PAXIP1: variants seen among roughly 807,000 people sequenced by gnomAD.
The protein encoded by PAXIP1 is PAX-interacting protein 1.
In PAXIP1, 19 loss-of-function variants were observed where a neutral mutation model predicts 140.6. The ratio of observed to expected loss-of-function variants is 0.14; its 90% CI spans 0.09 to 0.20. The LOEUF (loss-of-function observed/expected upper bound fraction) is 0.20, where lower values mean the gene tolerates loss of function less well. Among genes scored for constraint, PAXIP1 ranks in the 10% least tolerant of loss-of-function variants. The pLI, the probability that PAXIP1 is intolerant of heterozygous loss-of-function variation, is 1.00. For synonymous variants in PAXIP1, 442 were observed against 444.6 expected, an observed-to-expected ratio of 0.99 and a Z score of 0.07; for missense variants, 920 against 1,208.6, an observed-to-expected ratio of 0.76 and a Z score of 3.54.
intron 20 of PAXIP1, chr7:154,944,414 C>A: frequency 2.7e-6 from 1 of 368,926 alleles, no homozygotes; most frequent in Non-Finnish European, 5.0e-6. Flanking sequence ...CACCATGCGG[C>A]CAGAACTGAG....
In PAXIP1 at chr7:154,975,562, A is replaced by G. The variant is rs1809532766; in HGVS notation, c.1074+134T>C. 7 of 622,560 alleles carry G rather than the reference A, an allele frequency of 1.1e-5. No individual in the cohort carries two copies. The South Asian group carries it at 1.4e-4, about 12-fold the overall frequency. 38.6% of individuals were successfully genotyped at this position (622,560 alleles called of 1,614,324 possible). ...CACACACACACACACACACAAGTAAACAGGTTCTCACACAAATACTGCTTG... is the reference window on the plus strand; with the variant it reads ...CACACACACACACACACACAAGTAAGCAGGTTCTCACACAAATACTGCTTG... On this transcript the variant is annotated intron_variant, in intron 6 of 20. Transcript: ENST00000404141.
At chr7:155,000,906 T>A (rs1047719557) in intron 1 of PAXIP1, 1 of 152,222 alleles carries the variant, frequency 6.6e-6, no homozygotes, top group Non-Finnish European at 1.5e-5. Context: ...CTGAGTGACA[T>A]TTCAGTGGTG....
chr7:154,980,463 G>A (rs981840934), intron 5 of PAXIP1, among the ~76,000 whole-genome samples: 41 of 152,142 alleles, frequency 2.7e-4, no homozygotes, highest in Non-Finnish European at 4.9e-4. Flanking sequence ...TGCCCAGGCT[G>A]GAGTGCAGTG....
chr7:154,982,386 C>T (rs1344278607), intron 5 of PAXIP1, among the ~76,000 whole-genome samples: 36 of 151,992 alleles, frequency 2.4e-4, no homozygotes, highest in Non-Finnish European at 1.6e-4. Context: ...GAGTCTCACT[C>T]GGTCATCCAG....
Position 154,954,360 on chromosome 7 carries a change from T to C in PAXIP1, c.2716A>G (p.Ser906Gly). ...SAQKCTHLIA[S>G]KVTRTVKFLT... ...AACTTCACGGTGCGAGTCACTTTGC[T>C]GGCAATGAGGTGTGTGCACTTCTGT... The change falls in exon 16 of 21, where the codon AGC (serine) becomes GGC (glycine). Residue 906 changes from serine to glycine, a missense_variant. By Grantham distance (56) the Ser-to-Gly change is moderately conservative. Transcript: ENST00000404141. This position sits in a 1 kb window ranked among gnomAD's most constrained non-coding sequence, Gnocchi z 5.1. 1 of 1,609,686 alleles carries C rather than the reference T, an allele frequency of 6.2e-7. No individual in the cohort carries two copies. Among genetic ancestry groups the C allele is most frequent in the Non-Finnish European group, 8.5e-7 (1 of 1,176,736 alleles).
rs766846983 is a variant in PAXIP1, at chr7:154,955,552, C to A, written c.2629G>T (p.Val877Phe). ...PFVLFTGFEP[V>F]QVQQYIKKLY... ...ACCTTAATATACTGTTGAACCTGGA[C>A]AGGCTCGAATCCAGTGAAAAGCACA... is the stretch of plus-strand genomic sequence containing the variant. Residue 877 changes from valine (V) to phenylalanine (F), a missense_variant, in exon 15 of 21, where the codon GTC becomes TTC. This residue lies in a region of PAXIP1 where 303 missense variants were observed against 517.9 expected (regional missense o/e 0.59). Transcript: ENST00000404141. 4.3e-6 allele frequency: 7 copies of A among 1,609,834 alleles called. No individual in the cohort carries two copies. The highest frequency in any genetic ancestry group is 2.7e-5 in the African/African-American group (2 of 74,706).
At chr7:154,971,397 C>T (rs1347052504) in intron 6 of PAXIP1, among the ~76,000 whole-genome samples, 1 of 152,226 alleles carries the variant, frequency 6.6e-6, no homozygotes, top group East Asian at 1.9e-4. Context: ...AGAGTCCCGG[C>T]TAGGAATGAA....
chr7:154,998,680 A>G lies in PAXIP1; in HGVS notation c.186T>C (p.Ala62=). The G allele has an allele frequency of 6.2e-7, 1 of 1,613,666 alleles. No homozygotes were observed. Among genetic ancestry groups the G allele is most frequent in the Non-Finnish European group, 8.5e-7 (1 of 1,179,618 alleles). ...EDGDNPEVGE[A]REVFDLPVVK... Reference sequence around the variant, plus strand: ...CAACAGGTAAGTCAAAGACTTCCCGAGCTTCTCCCACCTCTGGATTGTCCC... The same window carrying G: ...CAACAGGTAAGTCAAAGACTTCCCGGGCTTCTCCCACCTCTGGATTGTCCC... The change falls in exon 2 of 21, where the codon GCT becomes GCC. Residue 62 remains alanine, a synonymous_variant. Transcript: ENST00000404141.
At position 154,968,898 on chromosome 7, in the gene PAXIP1, T is replaced by TCTGCTGCTG. The variant is rs151102688; in HGVS notation, c.1294_1302dup (p.Gln432_Gln434dup). The TCTGCTGCTG allele has an allele frequency of 2.7e-5, 31 of 1,157,162 alleles. No individual in the cohort carries two copies. Among genetic ancestry groups the TCTGCTGCTG allele is most frequent in the Admixed American group, 1.2e-4 (6 of 48,664 alleles). The allele number at this position is 1,157,162 out of a possible 1,614,324, so 71.7% of individuals were successfully genotyped here. A position where few individuals can be genotyped will look rare whatever the true frequency, so the allele number is the denominator to read the frequency against. On this transcript the variant is annotated inframe_insertion, in exon 7 of 21. Coordinates refer to ENST00000404141, the MANE Select transcript of PAXIP1 (RefSeq NM_007349.4). ...TGCTGGGGGTAAGGTTGCTGAGAGA[T>TCTGCTGCTG]CTGCTGCTGCTGCTGCTGCTGGAGC... is the stretch of plus-strand genomic sequence containing the variant.
intron 2 of PAXIP1, among the ~76,000 whole-genome samples, chr7:154,996,241 T>C (rs1285026347): frequency 3.9e-5 from 6 of 152,106 alleles, no homozygotes; most frequent in Non-Finnish European, 7.3e-5. Context: ...AACTGTTGAG[T>C]CAGCTCCGAA....
chr7:154,944,146 C>A lies in PAXIP1; in HGVS notation c.*3G>T. On this transcript the variant is annotated 3_prime_UTR_variant, in exon 21 of 21. Coordinates refer to ENST00000404141, the MANE Select transcript of PAXIP1 (RefSeq NM_007349.4). ...GTCGACATGCACGGCAGCCTAGACGCCATCAGTTAAACTTATATGTAGGCT... is the reference window on the plus strand; with the variant it reads ...GTCGACATGCACGGCAGCCTAGACGACATCAGTTAAACTTATATGTAGGCT... 6.2e-7 allele frequency: 1 copy of A among 1,611,378 alleles called. No homozygotes were observed. The highest frequency in any genetic ancestry group is 8.5e-7 in the Non-Finnish European group (1 of 1,178,392).
At chr7:154,988,963 A>G (rs536819531) in intron 4 of PAXIP1, among the ~76,000 whole-genome samples, 1 of 152,250 alleles carries the variant, frequency 6.6e-6, no homozygotes, top group Non-Finnish European at 1.5e-5. Flanking sequence ...ACATGTAACC[A>G]TAGCACCCAG....
rs1808425514 is a variant in PAXIP1, at chr7:154,954,555, G to C, written c.2653-132C>G. On this transcript the variant is annotated intron_variant, in intron 15 of 20. Transcript: ENST00000404141. The surrounding 1 kb of genome is among the most constrained non-coding windows in gnomAD (Gnocchi z 5.1). ...CTGTAATTCTCAGCCACAGAAAACA[G>C]TGTGACAGGTAAAACAAAACCTGTA... is the stretch of plus-strand genomic sequence containing the variant. 1 of 512,268 alleles carries C rather than the reference G, an allele frequency of 2.0e-6. No homozygotes were observed. Among genetic ancestry groups the C allele is most frequent in the Non-Finnish European group, 3.1e-6 (1 of 318,878 alleles). 31.7% of individuals were successfully genotyped at this position (512,268 alleles called of 1,614,324 possible).
In PAXIP1 at chr7:155,002,732, G is replaced by A. The variant is rs551329591; in HGVS notation, c.81+117C>T. 6.3e-3 allele frequency: 3,027 copies of A among 481,398 alleles called. 89 individuals are homozygous for A. Among genetic ancestry groups the A allele is most frequent in the African/African-American group, 0.057 (2,742 of 47,990 alleles). The allele number at this position is 481,398 out of a possible 1,614,324, so 29.8% of individuals were successfully genotyped here. A position where few individuals can be genotyped will look rare whatever the true frequency, so the allele number is the denominator to read the frequency against. On this transcript the variant is annotated intron_variant, in intron 1 of 20. Transcript: ENST00000404141. ...GCGCAGTCAGGCCAGCGGCCTCGGC[G>A]GACCCGACGCTCTGCGCCCGGCGCG...
At chr7:154,959,396 T>C (rs889232137) in intron 13 of PAXIP1, among the ~76,000 whole-genome samples, 1 of 152,182 alleles carries the variant, frequency 6.6e-6, no homozygotes, top group Non-Finnish European at 1.5e-5. Context: ...AAGTCTAAAC[T>C]GAAAAATTAT....
Position 154,998,795 on chromosome 7 carries a change from A to T in PAXIP1, c.82-11T>A, listed in dbSNP as rs530438554. The T allele has an allele frequency of 6.2e-7, 1 of 1,605,360 alleles. No homozygotes were observed. Among genetic ancestry groups the T allele is most frequent in the South Asian group, 1.1e-5 (1 of 89,700 alleles). The stretch of plus-strand genomic sequence containing the variant: ...GAGAAGCTGAATAACCTAAAAAACA[A>T]GAAAATCCACACAAATTAAAATGGG... On this transcript the variant is annotated splice_polypyrimidine_tract_variant and intron_variant, in intron 1 of 20. Coordinates refer to ENST00000404141, the MANE Select transcript of PAXIP1 (RefSeq NM_007349.4).
rs963677470 is a variant in PAXIP1, at chr7:154,973,260, T to C, written c.1074+2436A>G. ...ATGGTCAGTGGCAGGCCTGTTTTCCTCCGGGACCCAACAAGGTGACATGGA... is the reference window on the plus strand; with the variant it reads ...ATGGTCAGTGGCAGGCCTGTTTTCCCCCGGGACCCAACAAGGTGACATGGA... On this transcript the variant is annotated intron_variant, in intron 6 of 20. Transcript: ENST00000404141. The surrounding 1 kb of genome is among the most constrained non-coding windows in gnomAD (Gnocchi z 4.0). Among the ~76,000 whole-genome samples, 4 of 152,046 alleles carry C rather than the reference T, an allele frequency of 2.6e-5. No homozygotes were observed. The highest frequency in any genetic ancestry group is 5.9e-5 in the Non-Finnish European group (4 of 67,972).
Position 154,963,789 on chromosome 7 carries a change from T to C in PAXIP1, c.1894-23A>G, listed in dbSNP as rs1258216531. ...TATCTACACACAAAGACCCGACCAA[T>C]GCAGTCATCAATCACTCAGAATAGA... is the stretch of plus-strand genomic sequence containing the variant. On this transcript the variant is annotated intron_variant, in intron 8 of 20. Transcript: ENST00000404141. The surrounding 1 kb of genome is among the most constrained non-coding windows in gnomAD (Gnocchi z 4.1). 9.1e-6 allele frequency: 14 copies of C among 1,536,812 alleles called. No individual in the cohort carries two copies. The East Asian group carries it at 3.1e-4, about 35-fold the overall frequency.
In PAXIP1 at chr7:154,990,993, TA is replaced by T; in HGVS notation, c.324+12del. 1 of 1,519,890 alleles carries T rather than the reference TA, an allele frequency of 6.6e-7. No homozygotes were observed. The highest frequency in any genetic ancestry group is 8.9e-7 in the Non-Finnish European group (1 of 1,121,208). The allele number at this position is 1,519,890 out of a possible 1,614,324, so 94.2% of individuals were successfully genotyped here. Reference sequence around the variant, plus strand: ...CATATAAATAACTCAAGACTAACTGTAACCATGCTTACCTGAGAAAGGCAGG... The same window carrying T: ...CATATAAATAACTCAAGACTAACTGTACCATGCTTACCTGAGAAAGGCAGG... On this transcript the variant is annotated intron_variant, in intron 4 of 20. Coordinates refer to ENST00000404141, the MANE Select transcript of PAXIP1 (RefSeq NM_007349.4).
Sources: gnomAD v4.1 joint callset for allele counts (sites outside exome capture counted in the v4.1 genomes callset) on GRCh38, gnomAD v4.1.1 for gene constraint, gnomAD v4.1.1 regional missense constraint, Gnocchi (gnomAD v3.1) non-coding constraint, MANE v1.5 for transcripts, NCBI Gene and HGNC (gene_info 2026-07-23, HGNC 2026-07-21) for gene names.